SLC24A1: variants seen among roughly 807,000 people sequenced by gnomAD.
SLC24A1 encodes sodium/potassium/calcium exchanger 1.
Under a neutral mutation model 88.1 loss-of-function variants are expected in SLC24A1, and 52 were observed. The observed-to-expected ratio is 0.59, with a 90% CI of 0.47 to 0.74. The LOEUF (loss-of-function observed/expected upper bound fraction) is 0.74. SLC24A1 is among the 30% of genes least tolerant of loss of function. SLC24A1 has a pLI of 0.00. For synonymous variants in SLC24A1, 455 were observed against 498.0 expected, an observed-to-expected ratio of 0.91 and a Z score of 1.15; for missense variants, 1,173 against 1,363.3, an observed-to-expected ratio of 0.86 and a Z score of 2.20.
At chr15:65,659,932 C>T, downstream of SLC24A1, 1 of 180,850 alleles carries the variant, frequency 5.5e-6, no homozygotes, top group Non-Finnish European at 1.2e-5. Flanking sequence ...GTTTGTATTA[C>T]ACAAAAAGTA....
At chr15:65,633,298 A>C (rs1224807754) in intron 2 of SLC24A1, among the ~76,000 whole-genome samples, 1 of 152,238 alleles carries the variant, frequency 6.6e-6, no homozygotes, top group Non-Finnish European at 1.5e-5. Context: ...AAAACACCCC[A>C]ATATTTGTAA....
intron 5 of SLC24A1, 144 bp downstream of exon 5, chr15:65,644,657 G>A (rs1333220579): frequency 1.6e-6 from 1 of 632,976 alleles, no homozygotes; most frequent in Non-Finnish European, 2.9e-6. Context: ...TTAGAGTGAT[G>A]GTAGGGTGTT....
intron 2 of SLC24A1, among the ~76,000 whole-genome samples, chr15:65,614,115 T>C (rs922338648): frequency 6.6e-6 from 1 of 152,132 alleles, no homozygotes; most frequent in East Asian, 1.9e-4. Context: ...TTTTCAAACA[T>C]AGACAAAGAT....
intron 2 of SLC24A1, among the ~76,000 whole-genome samples, chr15:65,635,511 G>A (rs974738393): frequency 4.6e-5 from 7 of 150,632 alleles, no homozygotes; most frequent in African/African-American, 1.7e-4. Context: ...GGTTGGATGT[G>A]AGAAATAGTG....
chr15:65,616,450 G>A (rs1239143472), intron 2 of SLC24A1, among the ~76,000 whole-genome samples: 1 of 152,154 alleles, frequency 6.6e-6, no homozygotes, highest in Non-Finnish European at 1.5e-5. Flanking sequence ...ATCTCATTGT[G>A]GTTTTGATTT....
intron 6 of SLC24A1, among the ~76,000 whole-genome samples, chr15:65,646,311 T>C (rs2075298377): frequency 6.6e-6 from 1 of 152,128 alleles, no homozygotes; most frequent in African/African-American, 2.4e-5. Context: ...TCTCCTGACC[T>C]TGTGATCCAC....
chr15:65,624,116 G>T lies in SLC24A1; in HGVS notation c.36G>T (p.Arg12Ser). ...TGATCAGGATGGGGCCGCAAGAGAG[G>T]TGGTTACTCCGGACAAAGCGGCTTC... ...GKLIRMGPQERWLLRTKRLHW... is the reference protein window; with the variant it reads ...GKLIRMGPQESWLLRTKRLHW... Residue 12 changes from arginine to serine, a missense_variant, in exon 2 of 10, where the codon AGG (arginine) becomes AGT (serine). Arg to Ser is a moderately radical substitution (Grantham distance 110, BLOSUM62 -1). Transcript: ENST00000261892. 6.2e-7 allele frequency: 1 copy of T among 1,610,392 alleles called. No individual in the cohort carries two copies. Among genetic ancestry groups the T allele is most frequent in the Non-Finnish European group, 8.5e-7 (1 of 1,178,520 alleles).
chr15:65,642,791 CAGGT>C, intron 4 of SLC24A1: 1 of 348,242 alleles, frequency 2.9e-6, no homozygotes, highest in Non-Finnish European at 5.6e-6. Flanking sequence ...GTTTAGGAGA[CAGGT>C]AGAGAGGAGG....
chr15:65,651,898 A>G (rs181945480), intron 8 of SLC24A1, 139 bp downstream of exon 8: 22 of 681,736 alleles, frequency 3.2e-5, no homozygotes, highest in African/African-American at 1.6e-4. Context: ...AAGGCTTAAA[A>G]GTAGACTTTT....
chr15:65,617,635 A>G (rs2074191325), upstream of SLC24A1, among the ~76,000 whole-genome samples: 1 of 152,304 alleles, frequency 6.6e-6, no homozygotes, highest in African/African-American at 2.4e-5. Flanking sequence ...GGCTGAGACA[A>G]TGGGGTTTTC....
chr15:65,633,347 G>A (rs573916585), intron 2 of SLC24A1, among the ~76,000 whole-genome samples: 2 of 152,290 alleles, frequency 1.3e-5, no homozygotes, highest in South Asian at 2.1e-4. Flanking sequence ...AGGCATATCA[G>A]GTTAGAGTGT....
rs1456637396 is a variant in SLC24A1, at chr15:65,624,446, C to T, written c.366C>T (p.Ile122=). 3 of 1,611,600 alleles carry T rather than the reference C, an allele frequency of 1.9e-6. No individual in the cohort carries two copies. The highest frequency in any genetic ancestry group is 1.7e-4 in the Middle Eastern group (1 of 6,058). The change falls in exon 2 of 10, where the codon ATC becomes ATT. Residue 122 remains isoleucine, a synonymous_variant. Coordinates refer to ENST00000261892, the MANE Select transcript of SLC24A1 (RefSeq NM_004727.3). ...TGCCTAAAAGAACAGCCAAGATGAT[C>T]CCAACAACAACCAAGAATAATTACA... is the stretch of plus-strand genomic sequence containing the variant. The part of the protein sequence containing the change: ...PSMPKRTAKM[I]PTTTKNNYSP...
chr15:65,629,748 G>T (rs2074646167), intron 2 of SLC24A1, among the ~76,000 whole-genome samples: 1 of 152,190 alleles, frequency 6.6e-6, no homozygotes, highest in Non-Finnish European at 1.5e-5. Flanking sequence ...TACTTGACTA[G>T]ATTAGCCAGG....
In SLC24A1 at chr15:65,654,109, G is replaced by T. The variant is rs1249697797; in HGVS notation, c.*30G>T. The T allele has an allele frequency of 6.3e-7, 1 of 1,599,066 alleles. No individual in the cohort carries two copies. Among genetic ancestry groups the T allele is most frequent in the African/African-American group, 1.3e-5 (1 of 74,544 alleles). ...GTCACTCTTGCTCACAATGGGCATG[G>T]ATCAGAAGACCATGCAGAAGTTACT... On this transcript the variant is annotated 3_prime_UTR_variant, in exon 10 of 10. Transcript: ENST00000261892.
chr15:65,614,918 C>T lies in SLC24A1; in HGVS notation c.-228+2305C>T, dbSNP rs140171600. Among the ~76,000 whole-genome samples, 39 of 152,340 alleles carry T rather than the reference C, an allele frequency of 2.6e-4. 1 individual carries two copies. The highest frequency in any genetic ancestry group is 6.7e-4 in the African/African-American group (28 of 41,580). ...TAGAAAGGAACTTCTTTCTTCCATACACTCTTTCCTTTGAAAAGTGCTATA... is the reference window on the plus strand; with the variant it reads ...TAGAAAGGAACTTCTTTCTTCCATATACTCTTTCCTTTGAAAAGTGCTATA... On this transcript the variant is annotated intron_variant, in intron 2 of 11. Transcript: ENST00000537259.
chr15:65,654,302 C>T lies in SLC24A1; in HGVS notation c.*223C>T. On this transcript the variant is annotated 3_prime_UTR_variant, in exon 10 of 10. Transcript: ENST00000261892. ...CCCCTGGAGGGGTGGAGTTTCTACC[C>T]CTGACTCATGCAGACATCTATTACA... is the stretch of plus-strand genomic sequence containing the variant. The T allele has an allele frequency of 5.2e-6, 7 of 1,355,876 alleles. No individual in the cohort carries two copies. Among genetic ancestry groups the T allele is most frequent in the African/African-American group, 1.5e-5 (1 of 68,476 alleles). The allele number at this position is 1,355,876 out of a possible 1,614,324, so 84.0% of individuals were successfully genotyped here. A position where few individuals can be genotyped will look rare whatever the true frequency, so the allele number is the denominator to read the frequency against.
intron 2 of SLC24A1, among the ~76,000 whole-genome samples, chr15:65,616,163 A>G (rs986138660): frequency 4.6e-5 from 7 of 152,010 alleles, no homozygotes; most frequent in Non-Finnish European, 1.0e-4. Context: ...AGTCTTTGCT[A>G]TTGTGAATAG....
downstream of SLC24A1, chr15:65,660,840 C>T (rs1287799770): frequency 6.6e-6 from 1 of 151,756 alleles, no homozygotes; most frequent in Non-Finnish European, 1.5e-5. Context: ...ACAGAATACC[C>T]CAGTAAGTCA....
At chr15:65,639,074 C>T (rs971608563) in intron 3 of SLC24A1, among the ~76,000 whole-genome samples, 1 of 152,208 alleles carries the variant, frequency 6.6e-6, no homozygotes, top group African/African-American at 2.4e-5. Context: ...ACCAGTCTGA[C>T]TCTTTCATTT....
Sources: allele counts gnomAD v4.1 joint callset (sites outside exome capture counted in the v4.1 genomes callset), GRCh38; gene constraint gnomAD v4.1.1; transcripts MANE v1.5; gene names NCBI Gene and HGNC (gene_info 2026-07-23, HGNC 2026-07-21).